Variants in EEA1 observed in about 807,000 individuals in gnomAD.
The protein encoded by EEA1 is early endosome antigen 1.
Under a neutral mutation model 209.2 loss-of-function variants are expected in EEA1, and 111 were observed. The observed-to-expected ratio is 0.53, with a 90% CI of 0.45 to 0.62. EEA1 has a LOEUF of 0.62. Ranked by LOEUF, EEA1 falls within the 20% of genes least tolerant of loss-of-function variation. The pLI, the probability that EEA1 is intolerant of heterozygous loss-of-function variation, is 0.00. For synonymous variants in EEA1, 536 were observed against 540.6 expected (o/e 0.99, Z 0.12); for missense variants, 1,343 against 1,530.8 (o/e 0.88, Z 2.05).
rs1878009161 is a variant in EEA1 at position 92,858,957 on chromosome 12, C to G, written c.246-1472G>C. 5 of 698,102 alleles carry G rather than the reference C, an allele frequency of 7.2e-6. No individual in the cohort carries two copies. In the Admixed American group the frequency reaches 1.0e-4, roughly 14 times the overall value. 43.2% of individuals were successfully genotyped at this position (698,102 alleles called of 1,614,324 possible). On this transcript the variant is annotated intron_variant, in intron 3 of 28. Coordinates refer to ENST00000322349, the MANE Select transcript of EEA1 (RefSeq NM_003566.4). ...TTTGAGGAAAGGATTATACTAAGAT[C>G]AACCGTTCAGCTGCCTATGCTGCTC...
chr12:92,799,099 A>T lies in EEA1; in HGVS notation c.2773-13T>A. The T allele has an allele frequency of 1.3e-6, 2 of 1,564,044 alleles. No individual in the cohort carries two copies. Among genetic ancestry groups the T allele is most frequent in the Admixed American group, 4.2e-5 (2 of 47,434 alleles). On this transcript the variant is annotated splice_polypyrimidine_tract_variant and intron_variant, in intron 20 of 28. Coordinates refer to ENST00000322349, the MANE Select transcript of EEA1 (RefSeq NM_003566.4). ...ACTGATGAGAAGCCTGAAAGAAAAA[A>T]AAAATCTATTTAGCCTTCATTTGTT... is the stretch of plus-strand genomic sequence containing the variant.
rs1874920318 is a variant in EEA1 at position 92,801,679 on chromosome 12, TTTAA to T, written c.2689_2692del (p.Leu897SerfsTer18). 2 of 1,590,666 alleles carry T rather than the reference TTTAA, an allele frequency of 1.3e-6. No homozygotes were observed. The highest frequency in any genetic ancestry group is 1.7e-6 in the Non-Finnish European group (2 of 1,172,024). On this transcript the variant is annotated frameshift_variant, in exon 20 of 29. Coordinates refer to ENST00000322349, the MANE Select transcript of EEA1 (RefSeq NM_003566.4). LOFTEE classifies it high-confidence loss of function. ...TTCCATCTGCACTTGAAGTTGATGC[TTTAA>T]TTCTTTGCAAGTTTTTTCCTTAAAA...
chr12:92,902,485 G>A (rs1489239932), intron 1 of EEA1, among the ~76,000 whole-genome samples: 1 of 152,164 alleles, frequency 6.6e-6, no homozygotes, highest in Non-Finnish European at 1.5e-5. Context: ...GCTCACGCCT[G>A]TAATCCCAGA....
intron 2 of EEA1, among the ~76,000 whole-genome samples, chr12:92,883,511 T>C (rs1879250404): frequency 6.6e-6 from 1 of 152,200 alleles, no homozygotes; most frequent in Non-Finnish European, 1.5e-5. Context: ...TGATGTTTCC[T>C]AGGTTTTCTT....
chr12:92,858,246 T>C, intron 3 of EEA1: 1 of 726,918 alleles, frequency 1.4e-6, no homozygotes, highest in Non-Finnish European at 2.6e-6. Flanking sequence ...CAAAGTAGCT[T>C]GTGAAACTGT....
Position 92,780,662 on chromosome 12 carries a change from T to C in EEA1, c.3337-251A>G, listed in dbSNP as rs146110670. ...GATAAATTGTACCTGGTCAGAGTAA[T>C]GATACTGCAAAACTACGATTCTTAC... On this transcript the variant is annotated intron_variant, in intron 23 of 28. Transcript: ENST00000322349. Among the ~76,000 whole-genome samples the C allele has an allele frequency of 4.6e-5, 7 of 152,316 alleles. No individual in the cohort carries two copies. The East Asian group carries it at 5.8e-4, about 13-fold the overall frequency.
At position 92,857,342 on chromosome 12, in the gene EEA1, T is replaced by C; in HGVS notation, c.301-2A>G. On this transcript the variant is annotated splice_acceptor_variant, in intron 4 of 28. Coordinates refer to ENST00000322349, the MANE Select transcript of EEA1 (RefSeq NM_003566.4). LOFTEE classifies it high-confidence loss of function. ...TTCTTCCGAGTACCATTTTTCTTCC[T>C]AATAAAAAAGATTTTTAATTAGTAA... The C allele has an allele frequency of 6.3e-7, 1 of 1,584,486 alleles. No individual in the cohort carries two copies. Among genetic ancestry groups the C allele is most frequent in the Non-Finnish European group, 8.6e-7 (1 of 1,168,120 alleles).
chr12:92,836,160 A>G (rs537254064), intron 10 of EEA1, among the ~76,000 whole-genome samples: 21 of 152,362 alleles, frequency 1.4e-4, no homozygotes, highest in Non-Finnish European at 2.4e-4. Context: ...GATTGGTCAA[A>G]TGGTAGAATC....
chr12:92,888,762 A>G (rs377691981), intron 2 of EEA1, among the ~76,000 whole-genome samples: 3 of 152,336 alleles, frequency 2.0e-5, no homozygotes, highest in Non-Finnish European at 2.9e-5. Context: ...GAACCACAAT[A>G]TAAGTTAGGA....
intron 9 of EEA1, among the ~76,000 whole-genome samples, chr12:92,850,689 CAAAAAAA>C (rs11323932): frequency 5.1e-3 from 239 of 46,928 alleles, no homozygotes; most frequent in Admixed American, 9.8e-3. Flanking sequence ...GACTTTGTCT[CAAAAAAA>C]AAAAAAAAAA....
At chr12:92,789,287 C>A (rs376038813) in intron 21 of EEA1, among the ~76,000 whole-genome samples, 101 of 124,262 alleles carry the variant, frequency 8.1e-4, no homozygotes, top group South Asian at 1.3e-3. Context: ...GACGCCATCT[C>A]AAAAAAAAAA....
intron 1 of EEA1, among the ~76,000 whole-genome samples, chr12:92,898,641 G>T (rs1482496347): frequency 6.8e-6 from 1 of 147,884 alleles, no homozygotes. Context: ...TCCAGCCTGG[G>T]TGACAGAGCG....
At position 92,773,732 on chromosome 12, in the gene EEA1, T is replaced by C. The variant is rs1483453728; in HGVS notation, c.*2279A>G. 6.6e-6 allele frequency: 1 copy of C among 151,528 alleles called. No individual in the cohort carries two copies. The highest frequency in any genetic ancestry group is 6.6e-5 in the Admixed American group (1 of 15,176). 9.4% of individuals were successfully genotyped at this position (151,528 alleles called of 1,614,324 possible). A position where few individuals can be genotyped will look rare whatever the true frequency, so the allele number is the denominator to read the frequency against. ...AAGGACTTCAAAGATGACTTTTTAA[T>C]TAAAAGGAAAAAAATTTAAATTTTT... On this transcript the variant is annotated 3_prime_UTR_variant, in exon 29 of 29. Coordinates refer to ENST00000322349, the MANE Select transcript of EEA1 (RefSeq NM_003566.4).
In EEA1 at chr12:92,929,113, C is replaced by A; in HGVS notation, c.-47G>T. The stretch of plus-strand genomic sequence containing the variant: ...CGCCGCGGTGACTCTCCAGACCCTG[C>A]GCGGGGCCACTCACTACTCGGGGTG... On this transcript the variant is annotated 5_prime_UTR_variant, in exon 1 of 29. Transcript: ENST00000322349. 1 of 1,555,364 alleles carries A rather than the reference C, an allele frequency of 6.4e-7. No homozygotes were observed. The highest frequency in any genetic ancestry group is 1.2e-5 in the South Asian group (1 of 85,098).
chr12:92,791,283 T>G (rs1874390969), intron 21 of EEA1, among the ~76,000 whole-genome samples: 1 of 152,118 alleles, frequency 6.6e-6, no homozygotes. Context: ...ATATTAACCT[T>G]AAATATAAAT....
chr12:92,858,709 C>T, intron 3 of EEA1: 1 of 739,996 alleles, frequency 1.4e-6, no homozygotes, highest in South Asian at 1.4e-5. Flanking sequence ...ATCTGTTTGG[C>T]ATGATGAAGA....
Position 92,832,362 on chromosome 12 carries a change from G to A in EEA1, c.1254+150C>T, listed in dbSNP as rs1343384425. 6 of 678,862 alleles carry A rather than the reference G, an allele frequency of 8.8e-6. No homozygotes were observed. In the Middle Eastern group the frequency reaches 1.7e-3, roughly 190 times the overall value. The allele number at this position is 678,862 out of a possible 1,614,324, so 42.1% of individuals were successfully genotyped here. ...ACTGAAATTAAAAGAAATGAGATCT[G>A]ACAACACTACAGGATATAAAAGTTA... is the stretch of plus-strand genomic sequence containing the variant. On this transcript the variant is annotated intron_variant, in intron 11 of 28. Transcript: ENST00000322349.
At chr12:92,924,201 C>A in intron 1 of EEA1, among the ~76,000 whole-genome samples, 1 of 94,546 alleles carries the variant, frequency 1.1e-5, no homozygotes, top group African/African-American at 4.3e-5. Flanking sequence ...ACATTTAAGA[C>A]TTTTTTTTTT....
intron 1 of EEA1, among the ~76,000 whole-genome samples, chr12:92,926,962 C>T (rs1219053769): frequency 6.6e-6 from 1 of 152,142 alleles, no homozygotes; most frequent in South Asian, 2.1e-4. Context: ...AAAGGGAGGA[C>T]CCACAGCTTA....
Sources: allele counts gnomAD v4.1 joint callset (sites outside exome capture counted in the v4.1 genomes callset), GRCh38; gene constraint gnomAD v4.1.1; transcripts MANE v1.5; gene names NCBI Gene and HGNC (gene_info 2026-07-23, HGNC 2026-07-21).